STRN: variants seen among roughly 807,000 people sequenced by gnomAD.
STRN encodes the protein protein phosphatase 2 regulatory subunit B'''alpha.
Under a neutral mutation model 96.3 loss-of-function variants are expected in STRN, and 53 were observed. The observed-to-expected ratio is 0.55, with a 90% CI of 0.44 to 0.69. The LOEUF (loss-of-function observed/expected upper bound fraction) is 0.69. Among genes scored for constraint, STRN ranks in the 30% least tolerant of loss-of-function variants. The probability of loss-of-function intolerance (pLI) is 0.00; values close to 1 mark genes in which losing one functional copy is unlikely to be tolerated. For missense variants in STRN, 987 were observed against 963.9 expected (o/e 1.02, Z -0.32); for synonymous variants, 428 against 355.9 (o/e 1.20, Z -2.28).
intron 13 of STRN, 117 bp downstream of exon 13, chr2:36,861,014 GT>G: frequency 8.4e-7 from 1 of 1,189,344 alleles, no homozygotes. Flanking sequence ...AAATAAAGAT[GT>G]GGTTCTCTTT....
At chr2:36,896,320 T>A (rs1208420497) in intron 6 of STRN, among the ~76,000 whole-genome samples, 2 of 152,242 alleles carry the variant, frequency 1.3e-5, no homozygotes, top group Admixed American at 6.5e-5. Context: ...TTTATTACTG[T>A]CATTGCAGAT....
At position 36,886,812 on chromosome 2, in the gene STRN, A is replaced by G. The variant is rs1669242532; in HGVS notation, c.946T>C (p.Cys316Arg). Residue 316 changes from cysteine to arginine, a missense_variant, in exon 8 of 18, where the codon TGT (cysteine) becomes CGT (arginine). Transcript: ENST00000263918. Reference sequence around the variant, plus strand: ...ACATTCCAGGCTTCAGGCATGAGACACTGGTCTTCCTTTTCTAAACAGAGT... The same window carrying G: ...ACATTCCAGGCTTCAGGCATGAGACGCTGGTCTTCCTTTTCTAAACAGAGT... The part of the protein sequence containing the change: ...DGTDWEKEDQ[C>R]LMPEAWNVDQ... The G allele has an allele frequency of 6.2e-7, 1 of 1,612,700 alleles. No homozygotes were observed. Among genetic ancestry groups the G allele is most frequent in the Middle Eastern group, 1.7e-4 (1 of 6,052 alleles).
At chr2:36,965,985 G>T (rs1665148342) in intron 1 of STRN, among the ~76,000 whole-genome samples, 1 of 152,142 alleles carries the variant, frequency 6.6e-6, no homozygotes, top group Non-Finnish European at 1.5e-5. Flanking sequence ...AGAGTGGGAT[G>T]GGGCGGACGA....
At chr2:36,872,293 A>G (rs988362115) in intron 10 of STRN, among the ~76,000 whole-genome samples, 3 of 152,192 alleles carry the variant, frequency 2.0e-5, no homozygotes, top group Admixed American at 2.0e-4. Context: ...TGAAAAGCCC[A>G]TGGAGAGACC....
chr2:36,895,322 G>A (rs568040595), intron 6 of STRN, among the ~76,000 whole-genome samples: 4 of 148,740 alleles, frequency 2.7e-5, no homozygotes, highest in Admixed American at 6.7e-5. Context: ...GCAAGACTCC[G>A]TCTAAAAAAA....
At chr2:36,904,969 CTTTTTT>C (rs199913588) in intron 4 of STRN, among the ~76,000 whole-genome samples, 2 of 134,824 alleles carry the variant, frequency 1.5e-5, no homozygotes, top group African/African-American at 2.9e-5. Flanking sequence ...ACCAATTGCA[CTTTTTT>C]TTTTTTTTTT....
At chr2:36,924,442 A>G (rs1234489378) in intron 2 of STRN, among the ~76,000 whole-genome samples, 1 of 152,102 alleles carries the variant, frequency 6.6e-6, no homozygotes, top group Non-Finnish European at 1.5e-5. Context: ...CAAATTGAAT[A>G]ATATTAAATG....
intron 16 of STRN, 150 bp downstream of exon 16, chr2:36,850,850 G>C (rs1034462311): frequency 2.9e-5 from 16 of 559,566 alleles, no homozygotes; most frequent in African/African-American, 1.9e-4. Flanking sequence ...GATTTGGATA[G>C]AGTGAAGAGA....
chr2:36,862,501 GTGT>G (rs1413245642), intron 12 of STRN, among the ~76,000 whole-genome samples: 1 of 152,144 alleles, frequency 6.6e-6, no homozygotes, highest in Non-Finnish European at 1.5e-5. Context: ...GTAATAATAA[GTGT>G]TGTTGAGCAT....
intron 1 of STRN, among the ~76,000 whole-genome samples, chr2:36,947,341 G>A (rs566335323): frequency 6.6e-6 from 1 of 151,714 alleles, no homozygotes; most frequent in South Asian, 2.1e-4. Flanking sequence ...AAATTAAATC[G>A]AAATGTCAAA....
intron 12 of STRN, among the ~76,000 whole-genome samples, chr2:36,866,224 G>A (rs745371349): frequency 2.6e-5 from 4 of 151,850 alleles, no homozygotes; most frequent in East Asian, 2.0e-4. Flanking sequence ...ACAGGAACAC[G>A]TCACCACTAG....
intron 1 of STRN, among the ~76,000 whole-genome samples, chr2:36,957,635 CA>C (rs1319215098): frequency 6.6e-6 from 1 of 150,984 alleles, no homozygotes; most frequent in African/African-American, 2.4e-5. Context: ...TAACTCTAGA[CA>C]TCTACCAGAA....
At chr2:36,907,363 C>T (rs541575481) in intron 3 of STRN, among the ~76,000 whole-genome samples, 4 of 152,238 alleles carry the variant, frequency 2.6e-5, no homozygotes, top group East Asian at 1.9e-4. Context: ...GCCTGGCTAA[C>T]GCGGTGAAAT....
At chr2:36,898,762 C>G (rs1328300026) in intron 6 of STRN, among the ~76,000 whole-genome samples, 2 of 152,136 alleles carry the variant, frequency 1.3e-5, no homozygotes, top group African/African-American at 4.8e-5. Flanking sequence ...TTACTTTCCT[C>G]CTCTCTATTC....
chr2:36,941,335 C>T (rs1670839804), intron 1 of STRN, among the ~76,000 whole-genome samples: 1 of 152,136 alleles, frequency 6.6e-6, no homozygotes, highest in Non-Finnish European at 1.5e-5. Flanking sequence ...CTGGTCATTG[C>T]GCCTTGGAAA....
intron 5 of STRN, among the ~76,000 whole-genome samples, chr2:36,901,136 C>A (rs915944380): frequency 2.0e-5 from 3 of 152,116 alleles, no homozygotes; most frequent in Non-Finnish European, 4.4e-5. Flanking sequence ...TGAAATCGGA[C>A]AGATTAGCAA....
At chr2:36,950,284 C>T (rs956070041) in intron 1 of STRN, among the ~76,000 whole-genome samples, 1 of 138,664 alleles carries the variant, frequency 7.2e-6, no homozygotes. Flanking sequence ...GGCTTGATCT[C>T]GGCTCACCGC....
At chr2:36,927,341 CCA>C (rs1670437547) in intron 1 of STRN, among the ~76,000 whole-genome samples, 2 of 151,810 alleles carry the variant, frequency 1.3e-5, no homozygotes, top group African/African-American at 4.8e-5. Context: ...GACCACGTCC[CCA>C]CAAAAAATTT....
intron 9 of STRN, among the ~76,000 whole-genome samples, chr2:36,879,476 C>T (rs1039542072): frequency 2.0e-5 from 3 of 152,216 alleles, no homozygotes; most frequent in Non-Finnish European, 4.4e-5. Flanking sequence ...TATTTTGTAA[C>T]ATTTTGAACA....
Sources: allele counts gnomAD v4.1 joint callset (sites outside exome capture counted in the v4.1 genomes callset), GRCh38; gene constraint gnomAD v4.1.1; transcripts MANE v1.5; gene names NCBI Gene and HGNC (gene_info 2026-07-23, HGNC 2026-07-21).